CSNK2A1: variants seen among roughly 807,000 people sequenced by gnomAD.
The protein encoded by CSNK2A1 is casein kinase 2 alpha 1.
Under a neutral mutation model 62.9 loss-of-function variants are expected in CSNK2A1, and 10 were observed. The ratio of observed to expected loss-of-function variants is 0.16; its 90% confidence interval spans 0.10 to 0.27. The LOEUF (loss-of-function observed/expected upper bound fraction) is 0.27, where lower values mean the gene tolerates loss of function less well. CSNK2A1 is among the 10% of genes least tolerant of loss of function. The pLI is 1.00. For missense variants in CSNK2A1, 160 were observed against 492.0 expected (o/e 0.33, Z 6.38); for synonymous variants, 124 against 167.8 (o/e 0.74, Z 2.02).
chr20:530,691 T>C (rs1292844794), intron 1 of CSNK2A1, among the ~76,000 whole-genome samples: 1 of 152,104 alleles, frequency 6.6e-6, no homozygotes, highest in Non-Finnish European at 1.5e-5. Context: ...CCCAGGCTGG[T>C]CTCGAACTCC....
intron 1 of CSNK2A1, among the ~76,000 whole-genome samples, chr20:538,707 G>C (rs1311686859): frequency 6.6e-6 from 1 of 152,194 alleles, no homozygotes; most frequent in Admixed American, 6.6e-5. Context: ...GGTGGGGTGG[G>C]AGGTGTGAGA....
intron 8 of CSNK2A1, chr20:494,864 A>G (rs1198902529): frequency 6.6e-6 from 1 of 152,212 alleles, no homozygotes; most frequent in African/African-American, 2.4e-5. Flanking sequence ...GCCTTGGGAC[A>G]TGTTTCTTCA....
At chr20:513,980 CAG>C (rs1396044544) in intron 2 of CSNK2A1, among the ~76,000 whole-genome samples, 6 of 152,094 alleles carry the variant, frequency 3.9e-5, no homozygotes, top group Non-Finnish European at 8.8e-5. Context: ...GAAAATAAAA[CAG>C]AGGATTCTTC....
chr20:530,698 C>A (rs1382711350), intron 1 of CSNK2A1, among the ~76,000 whole-genome samples: 1 of 152,118 alleles, frequency 6.6e-6, no homozygotes, highest in Non-Finnish European at 1.5e-5. Context: ...TGGTCTCGAA[C>A]TCCTGGATTC....
chr20:502,687 C>T (rs191899666), intron 4 of CSNK2A1: 82 of 152,312 alleles, frequency 5.4e-4, no homozygotes, highest in African/African-American at 1.9e-3. Flanking sequence ...TCAAAATCAT[C>T]AAGGGCTCAC....
rs374988295 is a variant in CSNK2A1, at chr20:480,915, A to C, written c.*3046T>G. On this transcript the variant is annotated 3_prime_UTR_variant, in exon 14 of 14. Transcript: ENST00000217244. ...TTCTCTGCTACTTTAGGACTATAGTAATTAGCCATACCCTGAGGATCTACT... is the reference window on the plus strand; with the variant it reads ...TTCTCTGCTACTTTAGGACTATAGTCATTAGCCATACCCTGAGGATCTACT... 1 of 152,362 alleles carries C rather than the reference A, an allele frequency of 6.6e-6. No individual in the cohort carries two copies. Among genetic ancestry groups the C allele is most frequent in the South Asian group, 2.1e-4 (1 of 4,832 alleles). 9.4% of individuals were successfully genotyped at this position (152,362 alleles called of 1,614,324 possible). A position where few individuals can be genotyped will look rare whatever the true frequency, so the allele number is the denominator to read the frequency against.
intron 10 of CSNK2A1, 164 bp from the exon 11 acceptor site, chr20:488,942 G>A: frequency 1.8e-6 from 1 of 569,184 alleles, no homozygotes; most frequent in South Asian, 2.7e-5. Flanking sequence ...GTTAGAAAAA[G>A]CAAACTACTT....
chr20:477,282 C>CTTCTTGGGCTCAGGCAATTAA lies in CSNK2A1; in HGVS notation c.*6658_*6678dup, dbSNP rs1343674339. 1 of 152,306 alleles carries CTTCTTGGGCTCAGGCAATTAA rather than the reference C, an allele frequency of 6.6e-6. No homozygotes were observed. The highest frequency in any genetic ancestry group is 2.4e-5 in the African/African-American group (1 of 41,454). The allele number at this position is 152,306 out of a possible 1,614,324, so 9.4% of individuals were successfully genotyped here. A position where few individuals can be genotyped will look rare whatever the true frequency, so the allele number is the denominator to read the frequency against. On this transcript the variant is annotated 3_prime_UTR_variant, in exon 14 of 14. Transcript: ENST00000217244. Reference sequence around the variant, plus strand: ...CAATCACACCTCACTGCAGCCTTGACTTCTTGGGCTCAGGCAATTAATTCT... The same window carrying CTTCTTGGGCTCAGGCAATTAA: ...CAATCACACCTCACTGCAGCCTTGACTTCTTGGGCTCAGGCAATTAATTCTTGGGCTCAGGCAATTAATTCT...
At chr20:516,625 T>C (rs1198589677) in intron 2 of CSNK2A1, among the ~76,000 whole-genome samples, 2 of 152,222 alleles carry the variant, frequency 1.3e-5, no homozygotes, top group Non-Finnish European at 2.9e-5. Context: ...TATGTTCAGT[T>C]GTTATTTTTC....
intron 2 of CSNK2A1, among the ~76,000 whole-genome samples, chr20:523,926 T>C (rs973398660): frequency 7.7e-6 from 1 of 130,206 alleles, no homozygotes; most frequent in East Asian, 2.2e-4. Context: ...AGATTAGGGG[T>C]GGGAGGCTAG....
At chr20:515,220 A>G (rs574319056) in intron 2 of CSNK2A1, among the ~76,000 whole-genome samples, 1 of 152,334 alleles carries the variant, frequency 6.6e-6, no homozygotes, top group Non-Finnish European at 1.5e-5. Context: ...TGTAAAATCA[A>G]TAGCTCTGAG....
chr20:503,194 G>A (rs982029467), intron 4 of CSNK2A1: 1 of 315,478 alleles, frequency 3.2e-6, no homozygotes, highest in African/African-American at 2.1e-5. Context: ...GCCCAGGCTG[G>A]AGTGCAGTGG....
At chr20:500,952 G>A in intron 4 of CSNK2A1, 1 of 151,908 alleles carries the variant, frequency 6.6e-6, no homozygotes, top group East Asian at 1.9e-4. Context: ...ATTCTGCAGA[G>A]CATATCTTAA....
chr20:504,885 C>A, intron 4 of CSNK2A1: 1 of 457,886 alleles, frequency 2.2e-6, no homozygotes, highest in Non-Finnish European at 3.8e-6. Flanking sequence ...ACCTTTGCTC[C>A]CTTACTCTGC....
In CSNK2A1 at chr20:477,673, C is replaced by A. The variant is rs1387109426; in HGVS notation, c.*6288G>T. 6.6e-6 allele frequency: 1 copy of A among 152,246 alleles called. No homozygotes were observed. The highest frequency in any genetic ancestry group is 1.5e-5 in the Non-Finnish European group (1 of 68,130). 9.4% of individuals were successfully genotyped at this position (152,246 alleles called of 1,614,324 possible). A position where few individuals can be genotyped will look rare whatever the true frequency, so the allele number is the denominator to read the frequency against. Reference sequence around the variant, plus strand: ...GCCTGAGGCCCACCTATACCCAGACCCAGTGTCTTGGAAGCACTGACTTTA... The same window carrying A: ...GCCTGAGGCCCACCTATACCCAGACACAGTGTCTTGGAAGCACTGACTTTA... On this transcript the variant is annotated 3_prime_UTR_variant, in exon 14 of 14. Coordinates refer to ENST00000217244, the MANE Select transcript of CSNK2A1 (RefSeq NM_177559.3).
rs1568507930 is a variant in CSNK2A1 at position 492,353 on chromosome 20, T to A, written c.522A>T (p.Ile174=). The A allele has an allele frequency of 6.2e-7, 1 of 1,614,100 alleles. No individual in the cohort carries two copies. The highest frequency in any genetic ancestry group is 8.5e-7 in the Non-Finnish European group (1 of 1,179,976). The change falls in exon 9 of 14, where the codon ATA becomes ATT. Residue 174 remains isoleucine, a synonymous_variant. Transcript: ENST00000217244. Reference sequence around the variant, plus strand: ...GATAAAACTCAGCCAAACCCCAGTCTATTAGTCGTAGCTGAAAAAGAATAA... The same window carrying A: ...GATAAAACTCAGCCAAACCCCAGTCAATTAGTCGTAGCTGAAAAAGAATAA... ...IDHEHRKLRL[I]DWGLAEFYHP...
chr20:543,460 C>T (rs2019497409), intron 1 of CSNK2A1, among the ~76,000 whole-genome samples: 1 of 152,114 alleles, frequency 6.6e-6, no homozygotes, highest in Non-Finnish European at 1.5e-5. Context: ...GGCCTCTGCC[C>T]CCAAACCTCG....
chr20:505,916 C>T (rs1168884793), intron 3 of CSNK2A1: 4 of 145,474 alleles, frequency 2.7e-5, no homozygotes, highest in Non-Finnish European at 4.5e-5. Context: ...GCTCTGTCGC[C>T]CAGGCTGGAG....
intron 2 of CSNK2A1, among the ~76,000 whole-genome samples, chr20:522,817 T>C (rs1367543664): frequency 6.6e-6 from 1 of 152,144 alleles, no homozygotes; most frequent in Non-Finnish European, 1.5e-5. Flanking sequence ...GCGATCCTCC[T>C]GCCCCAGCCT....
Sources: allele counts gnomAD v4.1 joint callset (sites outside exome capture counted in the v4.1 genomes callset), GRCh38; gene constraint gnomAD v4.1.1; transcripts MANE v1.5; gene names NCBI Gene and HGNC (gene_info 2026-07-23, HGNC 2026-07-21).